The following RALYL variants were observed in gnomAD, a reference collection of about 807,000 sequenced individuals.
RALYL encodes RNA-binding Raly-like protein.
Under a neutral mutation model 35.1 loss-of-function variants are expected in RALYL, and 29 were observed. The observed-to-expected ratio is 0.83, with a 90% confidence interval of 0.61 to 1.13. The LOEUF is 1.13. Among genes scored for constraint, RALYL ranks in the 50% most tolerant of loss-of-function variants. The pLI is 0.00. For synonymous variants in RALYL, 120 were observed against 127.6 expected (o/e 0.94, Z 0.40); for missense variants, 359 against 360.4 (o/e 1.00, Z 0.03).
At chr8:84,911,136 T>C (rs943485429) in intron 8 of RALYL, among the ~76,000 whole-genome samples, 1 of 151,864 alleles carries the variant, frequency 6.6e-6, no homozygotes, top group African/African-American at 2.4e-5. Context: ...TTTCCTTTTC[T>C]CCCCACCAGA....
At chr8:84,503,280 A>G (rs183232990) in intron 1 of RALYL, among the ~76,000 whole-genome samples, 4 of 151,750 alleles carry the variant, frequency 2.6e-5, no homozygotes, top group East Asian at 1.9e-4. Context: ...TAGACTCCCA[A>G]GTAGCTGGAA....
chr8:84,831,556 A>G (rs1329476694), intron 4 of RALYL, among the ~76,000 whole-genome samples: 1 of 152,178 alleles, frequency 6.6e-6, no homozygotes, highest in Non-Finnish European at 1.5e-5. Flanking sequence ...ATATTTAGTC[A>G]TGTTCTTTAA....
At position 84,913,040 on chromosome 8, in the gene RALYL, G is replaced by GTAGGTAGATAGATAGATAGA. The variant is rs372305617; in HGVS notation, c.859-7851_859-7850insGTAGATAGATAGATAGATAG. ...GATGGATGGATGGATGGATAGGTAG[G>GTAGGTAGATAGATAGATAGA]TAGATAGATAGATAGATAGATAGAT... On this transcript the variant is annotated intron_variant, in intron 8 of 8. Transcript: ENST00000521268. Among the ~76,000 whole-genome samples, 1,101 of 130,078 alleles carry GTAGGTAGATAGATAGATAGA rather than the reference G, an allele frequency of 8.5e-3. 8 individuals carry two copies. Among genetic ancestry groups the GTAGGTAGATAGATAGATAGA allele is most frequent in the African/African-American group, 0.011 (333 of 31,288 alleles). 85.3% of individuals were successfully genotyped at this position (130,078 alleles called of 152,430 possible). A position where few individuals can be genotyped will look rare whatever the true frequency, so the allele number is the denominator to read the frequency against.
intron 1 of RALYL, among the ~76,000 whole-genome samples, chr8:84,245,797 G>A (rs1828964873): frequency 6.6e-6 from 1 of 152,038 alleles, no homozygotes; most frequent in Non-Finnish European, 1.5e-5. Context: ...GGTTTAAACT[G>A]CTCCAGAATA....
At chr8:84,434,455 A>G (rs1196527861) in intron 1 of RALYL, among the ~76,000 whole-genome samples, 1 of 152,162 alleles carries the variant, frequency 6.6e-6, no homozygotes, top group Non-Finnish European at 1.5e-5. Flanking sequence ...TCAAAAGTAT[A>G]TGAGGTGACA....
At chr8:84,776,427 A>C (rs1816855302) in intron 3 of RALYL, among the ~76,000 whole-genome samples, 1 of 152,208 alleles carries the variant, frequency 6.6e-6, no homozygotes, top group Non-Finnish European at 1.5e-5. Context: ...ATAGAGTATA[A>C]CAAATGTTGA....
chr8:84,702,739 TCTA>T (rs1304297916), intron 2 of RALYL, among the ~76,000 whole-genome samples: 1 of 152,172 alleles, frequency 6.6e-6, no homozygotes, highest in African/African-American at 2.4e-5. Context: ...GGCTTTTATT[TCTA>T]CTGATTCCTT....
At chr8:84,452,496 T>G (rs991056516) in intron 1 of RALYL, among the ~76,000 whole-genome samples, 1 of 151,902 alleles carries the variant, frequency 6.6e-6, no homozygotes, top group Non-Finnish European at 1.5e-5. Context: ...TTAGGAAACT[T>G]TTTTGGTTCT....
intron 4 of RALYL, among the ~76,000 whole-genome samples, chr8:84,836,510 T>G (rs1832059460): frequency 6.6e-6 from 1 of 152,196 alleles, no homozygotes; most frequent in Non-Finnish European, 1.5e-5. Flanking sequence ...CAATGAAACT[T>G]AGACTAAGTA....
chr8:84,884,383 T>G (rs1842633579), intron 7 of RALYL, among the ~76,000 whole-genome samples: 2 of 152,012 alleles, frequency 1.3e-5, no homozygotes, highest in Admixed American at 1.3e-4. Context: ...AATTGATACA[T>G]GAAGCCAGAT....
intron 2 of RALYL, among the ~76,000 whole-genome samples, chr8:84,589,694 G>T (rs564493895): frequency 6.6e-6 from 1 of 152,158 alleles, no homozygotes; most frequent in South Asian, 2.1e-4. Context: ...ATCATATCTG[G>T]TAACATCAGA....
intron 1 of RALYL, among the ~76,000 whole-genome samples, chr8:84,409,261 G>A (rs2043863788): frequency 2.0e-5 from 3 of 152,072 alleles, no homozygotes; most frequent in Admixed American, 6.6e-5. Flanking sequence ...TATCTATTAT[G>A]TATTCAAAAT....
At chr8:84,575,866 C>T (rs1809273068) in intron 2 of RALYL, among the ~76,000 whole-genome samples, 1 of 151,552 alleles carries the variant, frequency 6.6e-6, no homozygotes, top group Non-Finnish European at 1.5e-5. Context: ...GTGGCGTGCA[C>T]CTGTAATATC....
chr8:84,747,976 A>G (rs1809051806), intron 2 of RALYL, among the ~76,000 whole-genome samples: 1 of 151,954 alleles, frequency 6.6e-6, no homozygotes, highest in Non-Finnish European at 1.5e-5. Context: ...AGCCAAATCC[A>G]TATATTTCTG....
At chr8:84,284,319 A>T (rs377536036) in intron 1 of RALYL, among the ~76,000 whole-genome samples, 1 of 152,188 alleles carries the variant, frequency 6.6e-6, no homozygotes, top group Admixed American at 6.5e-5. Context: ...GCAGTAATGC[A>T]GAAAATTGCT....
chr8:84,371,958 A>G (rs935162689), intron 1 of RALYL, among the ~76,000 whole-genome samples: 1 of 151,664 alleles, frequency 6.6e-6, no homozygotes, highest in African/African-American at 2.4e-5. Flanking sequence ...CTAATAAAAC[A>G]CTCAGTTGTG....
At chr8:84,728,777 A>G in intron 2 of RALYL, among the ~76,000 whole-genome samples, 1 of 152,118 alleles carries the variant, frequency 6.6e-6, no homozygotes, top group Non-Finnish European at 1.5e-5. Context: ...CAAAGATAAG[A>G]TAATTGTAGA....
At chr8:84,847,948 A>G (rs1442689776) in intron 4 of RALYL, among the ~76,000 whole-genome samples, 3 of 152,236 alleles carry the variant, frequency 2.0e-5, no homozygotes, top group Non-Finnish European at 2.9e-5. Flanking sequence ...ATGTAAGAGC[A>G]TGAGGAGCTA....
At chr8:84,426,213 C>T (rs2046412929) in intron 1 of RALYL, among the ~76,000 whole-genome samples, 2 of 151,920 alleles carry the variant, frequency 1.3e-5, no homozygotes, top group African/African-American at 4.8e-5. Flanking sequence ...ACATAGTTAC[C>T]CATTAGTTTT....
Sources: allele counts gnomAD v4.1 joint callset (sites outside exome capture counted in the v4.1 genomes callset), GRCh38; gene constraint gnomAD v4.1.1; transcripts MANE v1.5; gene names NCBI Gene and HGNC (gene_info 2026-07-23, HGNC 2026-07-21).